The following HECW2 variants were observed in gnomAD, a reference collection of about 807,000 sequenced individuals.
The protein encoded by HECW2 is HECT, C2 and WW domain containing E3 ubiquitin protein ligase 2, also known as E3 ubiquitin-protein ligase HECW2.
HECW2 carries 61 observed loss-of-function variants against 175.2 expected under a neutral mutation model. The observed-to-expected ratio is 0.35, with a 90% confidence interval of 0.28 to 0.43. The LOEUF is 0.43. Among genes scored for constraint, HECW2 ranks in the 20% least tolerant of loss-of-function variants. The pLI is 1.00. For synonymous variants in HECW2, 671 were observed against 731.0 expected (o/e 0.92, Z 1.32); for missense variants, 1,524 against 2,000.5 (o/e 0.76, Z 4.54).
At chr2:196,406,023 G>A (rs2125217161) in intron 2 of HECW2, among the ~76,000 whole-genome samples, 1 of 152,156 alleles carries the variant, frequency 6.6e-6, no homozygotes, top group South Asian at 2.1e-4. Context: ...TTTCCTCACT[G>A]ACTATTCTTT....
intron 2 of HECW2, among the ~76,000 whole-genome samples, chr2:196,420,847 A>G (rs1399362916): frequency 6.6e-6 from 1 of 152,140 alleles, no homozygotes; most frequent in Non-Finnish European, 1.5e-5. Flanking sequence ...TGAAAAAAAC[A>G]CAATAATAAT....
At chr2:196,518,802 T>G (rs1468487491) in intron 1 of HECW2, among the ~76,000 whole-genome samples, 1 of 152,216 alleles carries the variant, frequency 6.6e-6, no homozygotes, top group East Asian at 1.9e-4. Flanking sequence ...CTTGCCCACC[T>G]GGGTCTCCTC....
intron 2 of HECW2, among the ~76,000 whole-genome samples, chr2:196,426,912 A>C (rs536635528): frequency 1.3e-5 from 2 of 152,310 alleles, no homozygotes; most frequent in South Asian, 2.1e-4. Flanking sequence ...CCAAATGTGA[A>C]GAAATATGAA....
chr2:196,548,807 C>A (rs958981261), intron 1 of HECW2, among the ~76,000 whole-genome samples: 2 of 152,076 alleles, frequency 1.3e-5, no homozygotes, highest in Admixed American at 1.3e-4. Flanking sequence ...TCTGTTCTAC[C>A]CTCACCTTGG....
intron 1 of HECW2, among the ~76,000 whole-genome samples, chr2:196,585,105 G>T (rs1690927490): frequency 6.6e-6 from 1 of 152,056 alleles, no homozygotes; most frequent in African/African-American, 2.4e-5. Context: ...GATTCACTGT[G>T]GCCTAAGTAT....
chr2:196,535,155 A>G (rs1688977423), intron 1 of HECW2, among the ~76,000 whole-genome samples: 1 of 152,164 alleles, frequency 6.6e-6, no homozygotes, highest in African/African-American at 2.4e-5. Context: ...CAACACTCCC[A>G]TAAGAGAGAA....
At chr2:196,372,463 G>C (rs1003724356) in intron 2 of HECW2, among the ~76,000 whole-genome samples, 1 of 152,202 alleles carries the variant, frequency 6.6e-6, no homozygotes, top group Non-Finnish European at 1.5e-5. Context: ...TGGTATATAA[G>C]TGTTGCCAAG....
rs1180021579 is a variant in HECW2, at chr2:196,459,792, G to T, written c.-35-26334C>A. Reference sequence around the variant, plus strand: ...GTCCACGGAGGATGTGCAGGGAGGGGTTTTGCATCCTCTGCTTCATCTTTT... The same window carrying T: ...GTCCACGGAGGATGTGCAGGGAGGGTTTTTGCATCCTCTGCTTCATCTTTT... On this transcript the variant is annotated intron_variant, in intron 1 of 28. Transcript: ENST00000644978. Among the ~76,000 whole-genome samples, 4 of 152,150 alleles carry T rather than the reference G, an allele frequency of 2.6e-5. No homozygotes were observed. In the East Asian group the frequency reaches 5.8e-4, roughly 22 times the overall value.
In HECW2 at chr2:196,331,346, G is replaced by A. The variant is rs184241140; in HGVS notation, c.496-1696C>T. 5 of 925,206 alleles carry A rather than the reference G, an allele frequency of 5.4e-6. No homozygotes were observed. In the African/African-American group the frequency reaches 7.1e-5, roughly 13 times the overall value. 57.3% of individuals were successfully genotyped at this position (925,206 alleles called of 1,614,324 possible). A position where few individuals can be genotyped will look rare whatever the true frequency, so the allele number is the denominator to read the frequency against. ...CACTGGCCAGAGAACTAACTGCTGT[G>A]GCTATCTCATCCTGCTTTCACCACA... On this transcript the variant is annotated intron_variant, in intron 4 of 28. Coordinates refer to ENST00000644978, the MANE Select transcript of HECW2 (RefSeq NM_001348768.2).
At chr2:196,364,169 T>C (rs1693681163) in intron 2 of HECW2, among the ~76,000 whole-genome samples, 1 of 152,184 alleles carries the variant, frequency 6.6e-6, no homozygotes. Context: ...CCAAATACCA[T>C]AACATTTGGT....
chr2:196,336,015 C>T (rs998454015), intron 3 of HECW2, among the ~76,000 whole-genome samples: 1 of 152,096 alleles, frequency 6.6e-6, no homozygotes, highest in Non-Finnish European at 1.5e-5. Flanking sequence ...TGAGAGAGGA[C>T]ATGGTGGAGT....
intron 1 of HECW2, among the ~76,000 whole-genome samples, chr2:196,505,649 T>C (rs945676212): frequency 5.9e-5 from 9 of 152,178 alleles, no homozygotes; most frequent in Non-Finnish European, 1.2e-4. Flanking sequence ...GTCTGATTTT[T>C]CAAAAGAGGA....
At chr2:196,203,301 C>T (rs572780185) in intron 28 of HECW2, among the ~76,000 whole-genome samples, 14 of 152,122 alleles carry the variant, frequency 9.2e-5, no homozygotes, top group South Asian at 2.1e-4. Context: ...TAGACTGGAA[C>T]GCAAATTGAG....
chr2:196,399,899 G>A (rs2125202901), intron 2 of HECW2, among the ~76,000 whole-genome samples: 1 of 152,304 alleles, frequency 6.6e-6, no homozygotes, highest in Non-Finnish European at 1.5e-5. Context: ...ATACTGCCAA[G>A]CCCAGTATTA....
chr2:196,375,747 T>G (rs1308710235), intron 2 of HECW2, among the ~76,000 whole-genome samples: 4 of 152,252 alleles, frequency 2.6e-5, no homozygotes, highest in African/African-American at 7.2e-5. Flanking sequence ...AGAAACATCA[T>G]CTATTTCAAT....
intron 2 of HECW2, among the ~76,000 whole-genome samples, chr2:196,401,047 G>A (rs1192569712): frequency 1.3e-5 from 2 of 152,140 alleles, no homozygotes; most frequent in Admixed American, 1.3e-4. Flanking sequence ...CAACATTTCT[G>A]TAGGGATATT....
At chr2:196,219,603 T>C (rs1162272530) in intron 26 of HECW2, among the ~76,000 whole-genome samples, 2 of 152,234 alleles carry the variant, frequency 1.3e-5, no homozygotes, top group African/African-American at 2.4e-5. Flanking sequence ...GTTCTGACTA[T>C]GAATTACAAC....
chr2:196,576,346 G>A (rs1690561611), intron 1 of HECW2, among the ~76,000 whole-genome samples: 1 of 152,244 alleles, frequency 6.6e-6, no homozygotes, highest in East Asian at 1.9e-4. Flanking sequence ...AGTGATGCAT[G>A]ACTGTACATG....
chr2:196,324,750 T>A (rs1692081403), intron 6 of HECW2, among the ~76,000 whole-genome samples: 1 of 152,170 alleles, frequency 6.6e-6, no homozygotes. Context: ...TTTTAACAAT[T>A]GAGTTTTTTG....
Sources: gnomAD v4.1 joint callset for allele counts (sites outside exome capture counted in the v4.1 genomes callset) on GRCh38, gnomAD v4.1.1 for gene constraint, MANE v1.5 for transcripts, NCBI Gene and HGNC (gene_info 2026-07-23, HGNC 2026-07-21) for gene names.